The following CSMD1 variants were observed in gnomAD, a reference collection of about 807,000 sequenced individuals.
CSMD1 encodes the protein CUB and sushi domain-containing protein 1.
In CSMD1, 213 loss-of-function variants were observed where a neutral mutation model predicts 417.5. The observed-to-expected ratio is 0.51, with a 90% confidence interval of 0.46 to 0.57. The LOEUF is 0.57. Among genes scored for constraint, CSMD1 ranks in the 20% least tolerant of loss-of-function variants. The probability of loss-of-function intolerance (pLI) is 0.00; values close to 1 mark genes in which losing one functional copy is unlikely to be tolerated. For missense variants in CSMD1, 6,923 were observed against 4,529.7 expected (o/e 1.53, Z -15.17); for synonymous variants, 2,862 against 1,736.8 (o/e 1.65, Z -16.11).
chr8:3,003,731 C>A (rs567612522), intron 52 of CSMD1, among the ~76,000 whole-genome samples: 1 of 152,146 alleles, frequency 6.6e-6, no homozygotes, highest in Non-Finnish European at 1.5e-5. Context: ...AGGCTGGGAA[C>A]GAGTGGAAGG....
intron 5 of CSMD1, among the ~76,000 whole-genome samples, chr8:3,776,744 G>C (rs1416838034): frequency 6.1e-5 from 9 of 148,538 alleles, no homozygotes; most frequent in African/African-American, 2.0e-4. Flanking sequence ...GACAGATAAA[G>C]ATAGGCAGAA....
chr8:3,012,905 G>A (rs566053829), intron 52 of CSMD1, among the ~76,000 whole-genome samples: 23 of 152,226 alleles, frequency 1.5e-4, no homozygotes, highest in African/African-American at 5.1e-4. Context: ...TCATGGGGGC[G>A]GGAGTTTCTG....
intron 5 of CSMD1, among the ~76,000 whole-genome samples, chr8:3,789,255 G>A (rs1000756477): frequency 2.8e-4 from 42 of 152,082 alleles, no homozygotes; most frequent in African/African-American, 9.6e-4. Context: ...CCTTGGTTTT[G>A]GACTTCCCAG....
chr8:4,371,227 C>A (rs578015797), intron 3 of CSMD1, among the ~76,000 whole-genome samples: 1 of 152,072 alleles, frequency 6.6e-6, no homozygotes, highest in Admixed American at 6.6e-5. Context: ...ATGCTCTCAC[C>A]GTGGGGGATT....
chr8:4,150,445 C>T (rs1264215095), intron 3 of CSMD1, among the ~76,000 whole-genome samples: 1 of 152,152 alleles, frequency 6.6e-6, no homozygotes, highest in Non-Finnish European at 1.5e-5. Flanking sequence ...AACTTCAGTG[C>T]CTTTTACCGG....
At chr8:4,136,282 C>G (rs527591343) in intron 3 of CSMD1, among the ~76,000 whole-genome samples, 14 of 152,218 alleles carry the variant, frequency 9.2e-5, no homozygotes, top group Non-Finnish European at 1.5e-5. Flanking sequence ...CAGGAACACA[C>G]AGGGACCATC....
At chr8:4,449,048 G>A (rs1267906533) in intron 2 of CSMD1, among the ~76,000 whole-genome samples, 1 of 152,134 alleles carries the variant, frequency 6.6e-6, no homozygotes, top group Non-Finnish European at 1.5e-5. Flanking sequence ...TGAGTAAAAG[G>A]CCCACAGAAG....
intron 1 of CSMD1, among the ~76,000 whole-genome samples, chr8:4,781,098 C>G (rs868171927): frequency 2.6e-5 from 4 of 152,202 alleles, no homozygotes; most frequent in Non-Finnish European, 4.4e-5. Flanking sequence ...ACACTCTCAT[C>G]TTCTGGTGGT....
intron 3 of CSMD1, among the ~76,000 whole-genome samples, chr8:4,070,369 A>C (rs1799481447): frequency 1.3e-5 from 2 of 152,002 alleles, no homozygotes; most frequent in African/African-American, 4.8e-5. Flanking sequence ...ACCACCTATA[A>C]TGTTTTGAGA....
chr8:4,459,065 C>G (rs534257850), intron 2 of CSMD1, among the ~76,000 whole-genome samples: 1 of 152,270 alleles, frequency 6.6e-6, no homozygotes, highest in East Asian at 1.9e-4. Flanking sequence ...GCCAGGAAAA[C>G]TAGATTCTCT....
intron 5 of CSMD1, among the ~76,000 whole-genome samples, chr8:3,875,245 G>C (rs150589225): frequency 5.3e-5 from 8 of 152,288 alleles, no homozygotes; most frequent in East Asian, 1.9e-4. Flanking sequence ...GATTTGAATT[G>C]AGACCATAGC....
At chr8:4,832,210 G>C (rs775358860) in intron 1 of CSMD1, among the ~76,000 whole-genome samples, 1 of 152,168 alleles carries the variant, frequency 6.6e-6, no homozygotes, top group Non-Finnish European at 1.5e-5. Flanking sequence ...GGGAGGGTTT[G>C]GGAGGTGAGA....
At chr8:3,894,043 G>T (rs1473887200) in intron 5 of CSMD1, among the ~76,000 whole-genome samples, 4 of 151,908 alleles carry the variant, frequency 2.6e-5, no homozygotes, top group Non-Finnish European at 5.9e-5. Flanking sequence ...CCATAGTGCT[G>T]GTCATTGCTG....
At chr8:4,738,135 C>T (rs1021294664) in intron 1 of CSMD1, among the ~76,000 whole-genome samples, 4 of 152,124 alleles carry the variant, frequency 2.6e-5, no homozygotes, top group African/African-American at 9.6e-5. Context: ...TGCAAGGTCT[C>T]AAACAGAATT....
intron 3 of CSMD1, among the ~76,000 whole-genome samples, chr8:4,368,714 A>C (rs1242485166): frequency 1.3e-5 from 2 of 152,082 alleles, no homozygotes; most frequent in African/African-American, 4.8e-5. Context: ...ATTTCTAGGA[A>C]TTTATCTAGT....
At position 3,781,740 on chromosome 8, in the gene CSMD1, C is replaced by A. The variant is rs539579689; in HGVS notation, c.819-27698G>T. ...CCATGTGAGGGGGCCAATATTGCCC[C>A]TGACAATCTGATAGAGACAACAGAG... On this transcript the variant is annotated intron_variant, in intron 5 of 69. Transcript: ENST00000635120. Among the ~76,000 whole-genome samples the A allele has an allele frequency of 9.9e-5, 15 of 152,240 alleles. No individual in the cohort carries two copies. In the South Asian group the frequency reaches 2.7e-3, roughly 27 times the overall value.
intron 3 of CSMD1, among the ~76,000 whole-genome samples, chr8:4,065,190 A>T (rs1158047382): frequency 1.3e-5 from 2 of 152,236 alleles, no homozygotes; most frequent in Admixed American, 6.5e-5. Flanking sequence ...GATACAAACC[A>T]TTCATAACTT....
Position 3,872,226 on chromosome 8 carries a change from G to T in CSMD1, c.819-118184C>A, listed in dbSNP as rs138433118. ...GATCGTATACTTCATTCTGGTTGTT[G>T]TCGTTGTTGTTGTTTTTAGGGAAAA... On this transcript the variant is annotated intron_variant, in intron 5 of 69. Coordinates refer to ENST00000635120, the MANE Select transcript of CSMD1 (RefSeq NM_033225.6). 3.7e-4 allele frequency among the ~76,000 whole-genome samples: 56 copies of T among 152,270 alleles called. No individual in the cohort carries two copies. The East Asian group carries it at 0.01, about 27-fold the overall frequency.
At chr8:3,793,061 C>T (rs2623683) in intron 5 of CSMD1, among the ~76,000 whole-genome samples, 61,058 of 151,930 alleles carry the variant, frequency 0.4, 13,228 homozygotes, top group African/African-American at 0.56. Flanking sequence ...GAGTAAAACA[C>T]CCAAAAGAGT....
Sources: allele counts gnomAD v4.1 joint callset (sites outside exome capture counted in the v4.1 genomes callset), GRCh38; gene constraint gnomAD v4.1.1; transcripts MANE v1.5; gene names NCBI Gene and HGNC (gene_info 2026-07-23, HGNC 2026-07-21).